The following ATAD2B variants were observed in gnomAD, a reference collection of about 807,000 sequenced individuals.
ATAD2B encodes the protein ATPase family AAA domain-containing protein 2B.
A neutral mutation model predicts 167.6 loss-of-function variants in ATAD2B; 40 were observed. The observed-to-expected ratio is 0.24, with a 90% confidence interval of 0.19 to 0.31. The LOEUF is 0.31. Ranked by LOEUF, ATAD2B falls within the 10% of genes least tolerant of loss-of-function variation. The pLI is 1.00. For synonymous variants in ATAD2B, 579 were observed against 596.5 expected, an observed-to-expected ratio of 0.97 and a Z score of 0.43; for missense variants, 1,242 against 1,757.2, an observed-to-expected ratio of 0.71 and a Z score of 5.24.
At chr2:23,769,117 A>T (rs191821997) in intron 22 of ATAD2B, among the ~76,000 whole-genome samples, 59 of 152,340 alleles carry the variant, frequency 3.9e-4, no homozygotes, top group African/African-American at 1.4e-3. Context: ...CTTGGATATC[A>T]AATCTCCAGA....
At chr2:23,741,883 A>G in the ATAD2B span, among the ~76,000 whole-genome samples, 4 of 152,248 alleles carry the variant, frequency 2.6e-5, no homozygotes, top group African/African-American at 4.8e-5. Flanking sequence ...CTCATCAAAA[A>G]GTGGGCGAAG....
intron 1 of ATAD2B, among the ~76,000 whole-genome samples, chr2:23,912,661 TAAC>T (rs987963443): frequency 1.3e-5 from 2 of 151,100 alleles, no homozygotes; most frequent in Non-Finnish European, 3.0e-5. Context: ...ATTTGAAAAA[TAAC>T]AAAAATAATT....
intron 8 of ATAD2B, chr2:23,872,409 G>A: frequency 1.4e-6 from 1 of 709,016 alleles, no homozygotes; most frequent in African/African-American, 1.7e-5. Flanking sequence ...CCTCTTCAGA[G>A]AGACCATCCA....
At chr2:23,788,873 G>A (rs1359811437) in intron 19 of ATAD2B, among the ~76,000 whole-genome samples, 1 of 152,018 alleles carries the variant, frequency 6.6e-6, no homozygotes, top group Non-Finnish European at 1.5e-5. Context: ...ATTAATGAAT[G>A]ATACTACATA....
intron 1 of ATAD2B, among the ~76,000 whole-genome samples, chr2:23,925,829 G>C (rs530391041): frequency 6.6e-6 from 1 of 152,250 alleles, no homozygotes; most frequent in Admixed American, 6.5e-5. Context: ...ACACAGTTTT[G>C]GCATGATGGT....
At chr2:23,789,738 A>T (rs941483607) in intron 19 of ATAD2B, among the ~76,000 whole-genome samples, 2 of 152,196 alleles carry the variant, frequency 1.3e-5, no homozygotes, top group African/African-American at 4.8e-5. Flanking sequence ...CTATGAAATG[A>T]ACCCTTAAAA....
chr2:23,909,145 A>T (rs907989368), intron 1 of ATAD2B, among the ~76,000 whole-genome samples: 8 of 151,866 alleles, frequency 5.3e-5, no homozygotes, highest in African/African-American at 1.9e-4. Context: ...AATAAAAAAA[A>T]AAAAAGAAAG....
At chr2:23,759,095 C>T (rs1213237956) in intron 24 of ATAD2B, among the ~76,000 whole-genome samples, 1 of 152,054 alleles carries the variant, frequency 6.6e-6, no homozygotes, top group Non-Finnish European at 1.5e-5. Flanking sequence ...CTTCAGAACA[C>T]TTAAATACAA....
intron 16 of ATAD2B, among the ~76,000 whole-genome samples, chr2:23,822,917 C>CAA (rs33911389): frequency 0.24 from 15,610 of 65,128 alleles, 2,733 homozygotes; most frequent in African/African-American, 0.26. Flanking sequence ...AACTCCATCT[C>CAA]AAAAAAAAAA....
intron 16 of ATAD2B, among the ~76,000 whole-genome samples, chr2:23,820,893 G>A (rs1687344359): frequency 6.6e-6 from 1 of 152,078 alleles, no homozygotes; most frequent in African/African-American, 2.4e-5. Context: ...AGCTTGCAGT[G>A]AGCCAAGATT....
At chr2:23,873,007 G>A in intron 8 of ATAD2B, 1 of 704,498 alleles carries the variant, frequency 1.4e-6, no homozygotes, top group Non-Finnish European at 2.6e-6. Context: ...CAGTTTGTAG[G>A]TGGCCATGGC....
intron 14 of ATAD2B, among the ~76,000 whole-genome samples, chr2:23,830,010 A>C (rs539944555): frequency 1.3e-4 from 20 of 152,190 alleles, no homozygotes; most frequent in African/African-American, 4.8e-4. Flanking sequence ...TTTGAGACTG[A>C]GTCTCACTCT....
chr2:23,885,926 TAACTACAC>T (rs1349069516), intron 4 of ATAD2B, 97 bp from the exon 5 acceptor site: 6 of 691,842 alleles, frequency 8.7e-6, no homozygotes, highest in Non-Finnish European at 1.4e-5. Flanking sequence ...CTCTGATGTG[TAACTACAC>T]ACAACTTTTT....
At chr2:23,847,615 T>C (rs940844415) in intron 13 of ATAD2B, among the ~76,000 whole-genome samples, 8 of 151,642 alleles carry the variant, frequency 5.3e-5, no homozygotes, top group South Asian at 2.1e-4. Flanking sequence ...ATCACACCAC[T>C]GCACTACAGC....
At chr2:23,915,237 C>CAT (rs1164570436) in intron 1 of ATAD2B, among the ~76,000 whole-genome samples, 1 of 151,912 alleles carries the variant, frequency 6.6e-6, no homozygotes, top group Non-Finnish European at 1.5e-5. Flanking sequence ...ACTTAAAAGA[C>CAT]ATATATATAA....
At chr2:23,919,674 C>T (rs925205518) in intron 1 of ATAD2B, among the ~76,000 whole-genome samples, 3 of 151,618 alleles carry the variant, frequency 2.0e-5, no homozygotes, top group African/African-American at 7.3e-5. Flanking sequence ...GAAACCCCAT[C>T]TCTTCTAAAA....
At chr2:23,709,477 GGAGAAAAGGTAGAGC>G in the ATAD2B span, among the ~76,000 whole-genome samples, 1 of 152,212 alleles carries the variant, frequency 6.6e-6, no homozygotes, top group Non-Finnish European at 1.5e-5. Context: ...GGCTCCCTGG[GGAGAAAAGGTAGAGC>G]GCCAGATGGG....
intron 24 of ATAD2B, among the ~76,000 whole-genome samples, chr2:23,760,845 A>G (rs72780104): frequency 0.12 from 17,799 of 151,598 alleles, 1,122 homozygotes; most frequent in Middle Eastern, 0.22. Context: ...TTTTTATAGC[A>G]TCACTGAGTT....
chr2:23,843,266 G>A (rs1691215812), intron 13 of ATAD2B, among the ~76,000 whole-genome samples: 1 of 152,118 alleles, frequency 6.6e-6, no homozygotes, highest in Non-Finnish European at 1.5e-5. Context: ...GCAAAAATAA[G>A]TGAAGACTGA....
Sources: allele counts gnomAD v4.1 joint callset (sites outside exome capture counted in the v4.1 genomes callset), GRCh38; gene constraint gnomAD v4.1.1; transcripts MANE v1.5; gene names NCBI Gene and HGNC (gene_info 2026-07-23, HGNC 2026-07-21).